The following PLPPR1 variants were observed in gnomAD, a reference collection of about 807,000 sequenced individuals.
The protein encoded by PLPPR1 is phospholipid phosphatase related 1, also known as phospholipid phosphatase-related protein type 1.
A neutral mutation model predicts 33.1 loss-of-function variants in PLPPR1; 10 were observed. That is an observed-to-expected ratio of 0.30 (90% CI 0.19 to 0.51). PLPPR1 has a LOEUF of 0.51. Among genes scored for constraint, PLPPR1 ranks in the 20% least tolerant of loss-of-function variants. The pLI is 0.97. For missense variants in PLPPR1, 304 were observed against 408.1 expected, an observed-to-expected ratio of 0.74 and a Z score of 2.20; for synonymous variants, 151 against 151.0, an observed-to-expected ratio of 1.00 and a Z score of 0.00.
intron 2 of PLPPR1, among the ~76,000 whole-genome samples, chr9:101,206,544 T>C (rs1384861046): frequency 6.6e-6 from 1 of 152,148 alleles, no homozygotes; most frequent in East Asian, 1.9e-4. Flanking sequence ...TGTGGGCACA[T>C]TGCCCAACCC....
At chr9:101,180,459 G>T (rs12342034) in intron 1 of PLPPR1, among the ~76,000 whole-genome samples, 114,484 of 151,168 alleles carry the variant, frequency 0.76, 43,866 homozygotes, top group African/African-American at 0.82. Context: ...AGAATAAAAC[G>T]GAATGCATTA....
chr9:101,169,330 G>A (rs1825905378), intron 1 of PLPPR1, among the ~76,000 whole-genome samples: 1 of 129,702 alleles, frequency 7.7e-6, no homozygotes, highest in East Asian at 2.2e-4. Context: ...ATCTCTTTGT[G>A]CCCTTCTACT....
intron 7 of PLPPR1, among the ~76,000 whole-genome samples, chr9:101,318,575 C>T (rs905558270): frequency 6.6e-6 from 1 of 152,072 alleles, no homozygotes; most frequent in African/African-American, 2.4e-5. Flanking sequence ...AGTTTGAGAC[C>T]AGACTGGGCA....
At chr9:101,265,031 A>T (rs1827962537) in intron 2 of PLPPR1, among the ~76,000 whole-genome samples, 1 of 152,102 alleles carries the variant, frequency 6.6e-6, no homozygotes, top group African/African-American at 2.4e-5. Flanking sequence ...CATATAAATT[A>T]TTGGTCCACA....
Position 101,039,384 on chromosome 9 carries a change from C to G in PLPPR1, c.-46+10282C>G, listed in dbSNP as rs930393872. 1.1e-4 allele frequency among the ~76,000 whole-genome samples: 17 copies of G among 152,132 alleles called. 2 individuals are homozygous for G. On this transcript the variant is annotated intron_variant, in intron 1 of 7. Coordinates refer to ENST00000374874, the MANE Select transcript of PLPPR1 (RefSeq NM_207299.2). ...GATAAATAAATTACTTGCCTGAACA[C>G]AGAGTCCACAACATGACCAATGAAA...
chr9:101,141,794 C>T (rs147743252), intron 1 of PLPPR1, among the ~76,000 whole-genome samples: 90 of 152,198 alleles, frequency 5.9e-4, no homozygotes, highest in Non-Finnish European at 1.1e-3. Flanking sequence ...CCTGAACCTC[C>T]GTCACTGACA....
intron 1 of PLPPR1, among the ~76,000 whole-genome samples, chr9:101,142,886 T>A (rs1409667095): frequency 1.3e-5 from 2 of 152,024 alleles, no homozygotes; most frequent in Non-Finnish European, 1.5e-5. Flanking sequence ...GTGTTATGAG[T>A]GAGAAAAGCA....
chr9:101,281,288 T>G (rs1828299050), intron 3 of PLPPR1, among the ~76,000 whole-genome samples: 1 of 152,048 alleles, frequency 6.6e-6, no homozygotes, highest in African/African-American at 2.4e-5. Context: ...AAAAGACATT[T>G]CATGTTTGTG....
chr9:101,050,237 T>A (rs1830204129), intron 1 of PLPPR1, among the ~76,000 whole-genome samples: 1 of 151,992 alleles, frequency 6.6e-6, no homozygotes, highest in Non-Finnish European at 1.5e-5. Flanking sequence ...TTCCAAGATC[T>A]GTGATTCTGT....
At position 101,288,004 on chromosome 9, in the gene PLPPR1, T is replaced by C. The variant is rs528589495; in HGVS notation, c.385+1768T>C. Among the ~76,000 whole-genome samples the C allele has an allele frequency of 2.0e-5, 3 of 152,368 alleles. No homozygotes were observed. In the East Asian group the frequency reaches 5.8e-4, roughly 29 times the overall value. On this transcript the variant is annotated intron_variant, in intron 4 of 7. Transcript: ENST00000374874. ...AAAGCAGAGATTTATTGCAATTAAA[T>C]TGGAATACCTTTTAAAGTCAGTTAT...
chr9:101,082,799 T>G (rs55815338), intron 1 of PLPPR1, among the ~76,000 whole-genome samples: 366 of 152,304 alleles, frequency 2.4e-3, no homozygotes, highest in African/African-American at 8.6e-3. Flanking sequence ...ATCAAGCAAG[T>G]TAATCTTTCT....
chr9:101,201,229 A>G (rs900866429), intron 2 of PLPPR1, among the ~76,000 whole-genome samples: 3 of 152,108 alleles, frequency 2.0e-5, no homozygotes, highest in Non-Finnish European at 4.4e-5. Context: ...TAGTCTAATC[A>G]CCTTTTAAAG....
At chr9:101,115,323 A>G (rs1831105324) in intron 1 of PLPPR1, among the ~76,000 whole-genome samples, 1 of 152,222 alleles carries the variant, frequency 6.6e-6, no homozygotes, top group African/African-American at 2.4e-5. Context: ...CAACCTGCAT[A>G]AATTTAGCCT....
intron 1 of PLPPR1, among the ~76,000 whole-genome samples, chr9:101,144,881 C>T (rs1831501976): frequency 6.6e-6 from 1 of 152,102 alleles, no homozygotes; most frequent in African/African-American, 2.4e-5. Context: ...GTGTTCTAAC[C>T]AACCACACTA....
chr9:101,174,468 G>C lies in PLPPR1; in HGVS notation c.-45-10982G>C, dbSNP rs540954348. 2.1e-4 allele frequency among the ~76,000 whole-genome samples: 32 copies of C among 152,240 alleles called. No individual in the cohort carries two copies. In the South Asian group the frequency reaches 4.6e-3, roughly 22 times the overall value. Reference sequence around the variant, plus strand: ...CACTAGCAATTTAACTGACATCAAGGCTGGGCAGAAAGGCCCAGTAGGTCA... The same window carrying C: ...CACTAGCAATTTAACTGACATCAAGCCTGGGCAGAAAGGCCCAGTAGGTCA... On this transcript the variant is annotated intron_variant, in intron 1 of 7. Transcript: ENST00000374874.
intron 6 of PLPPR1, among the ~76,000 whole-genome samples, chr9:101,313,975 T>C (rs1197780186): frequency 2.0e-5 from 3 of 152,254 alleles, no homozygotes; most frequent in African/African-American, 7.2e-5. Context: ...TGTTGTAGAA[T>C]GTATCCATAA....
At chr9:101,046,659 G>A (rs1245558177) in intron 1 of PLPPR1, among the ~76,000 whole-genome samples, 1 of 151,702 alleles carries the variant, frequency 6.6e-6, no homozygotes. Context: ...TAGCCAGGAT[G>A]GTCTCGATCT....
In PLPPR1 at chr9:101,173,258, C is replaced by T. The variant is rs1466586862; in HGVS notation, c.-45-12192C>T. ...TATTTACAGTAGCCTACTTACAAAT[C>T]ATTTTTATATTAATGAAATTGTTGT... On this transcript the variant is annotated intron_variant, in intron 1 of 7. Coordinates refer to ENST00000374874, the MANE Select transcript of PLPPR1 (RefSeq NM_207299.2). Among the ~76,000 whole-genome samples the T allele has an allele frequency of 2.0e-5, 3 of 152,076 alleles. No individual in the cohort carries two copies. In the East Asian group the frequency reaches 5.8e-4, roughly 29 times the overall value.
At chr9:101,071,136 A>G (rs1018723579) in intron 1 of PLPPR1, among the ~76,000 whole-genome samples, 16 of 152,104 alleles carry the variant, frequency 1.1e-4, no homozygotes, top group Non-Finnish European at 1.8e-4. Context: ...TTTGGTGACA[A>G]TGTCAGCCTG....
Sources: allele counts gnomAD v4.1 joint callset (sites outside exome capture counted in the v4.1 genomes callset), GRCh38; gene constraint gnomAD v4.1.1; transcripts MANE v1.5; gene names NCBI Gene and HGNC (gene_info 2026-07-23, HGNC 2026-07-21).